Variants in GPC6 observed in about 807,000 individuals in gnomAD.
GPC6 encodes the protein glypican-6.
Under a neutral mutation model 55.2 loss-of-function variants are expected in GPC6, and 14 were observed. The observed-to-expected ratio is 0.25, with a 90% confidence interval of 0.17 to 0.40. GPC6 has a LOEUF of 0.40. Among genes scored for constraint, GPC6 ranks in the 10% least tolerant of loss-of-function variants. The pLI is 1.00. For missense variants in GPC6, 641 were observed against 708.5 expected (o/e 0.90, Z 1.08); for synonymous variants, 278 against 259.6 (o/e 1.07, Z -0.68).
chr13:93,790,234 T>C (rs1046465343), intron 2 of GPC6, among the ~76,000 whole-genome samples: 1 of 152,148 alleles, frequency 6.6e-6, no homozygotes. Context: ...AATAAAACAA[T>C]AGGTGAGTGC....
intron 1 of GPC6, among the ~76,000 whole-genome samples, chr13:93,484,066 CA>C (rs1410137318): frequency 6.6e-6 from 1 of 151,976 alleles, no homozygotes; most frequent in Non-Finnish European, 1.5e-5. Context: ...CACTTTTGTA[CA>C]AAAAAAGTAT....
At chr13:93,459,448 T>A (rs1013868745) in intron 1 of GPC6, among the ~76,000 whole-genome samples, 10 of 152,216 alleles carry the variant, frequency 6.6e-5, no homozygotes, top group Non-Finnish European at 1.2e-4. Context: ...CTGCTTATAT[T>A]TTTTTAAAAT....
intron 1 of GPC6, among the ~76,000 whole-genome samples, chr13:93,348,849 A>G (rs1438726827): frequency 6.6e-6 from 1 of 152,136 alleles, no homozygotes; most frequent in African/African-American, 2.4e-5. Flanking sequence ...TTGGTCTTTT[A>G]TTTCCTCCCT....
intron 4 of GPC6, among the ~76,000 whole-genome samples, chr13:94,276,134 C>T (rs1438200463): frequency 6.6e-6 from 1 of 152,172 alleles, no homozygotes; most frequent in Non-Finnish European, 1.5e-5. Context: ...AGGGTATTCA[C>T]TGCAGCATTA....
chr13:94,102,321 A>T (rs1885893716), intron 4 of GPC6, among the ~76,000 whole-genome samples: 1 of 152,108 alleles, frequency 6.6e-6, no homozygotes, highest in Non-Finnish European at 1.5e-5. Context: ...TTAGTTAAAC[A>T]AGTCTTGGAC....
intron 1 of GPC6, among the ~76,000 whole-genome samples, chr13:93,278,411 T>C (rs758798451): frequency 5.3e-5 from 8 of 152,214 alleles, no homozygotes; most frequent in Non-Finnish European, 8.8e-5. Context: ...TCTACGCCCA[T>C]TAAACATGGA....
chr13:94,092,288 C>T (rs1177543575), intron 4 of GPC6, among the ~76,000 whole-genome samples: 2 of 152,012 alleles, frequency 1.3e-5, no homozygotes, highest in Non-Finnish European at 2.9e-5. Flanking sequence ...CTAACATCTC[C>T]CCATTTTCCC....
intron 1 of GPC6, among the ~76,000 whole-genome samples, chr13:93,250,182 A>C (rs1225726467): frequency 6.6e-6 from 1 of 152,204 alleles, no homozygotes; most frequent in Non-Finnish European, 1.5e-5. Context: ...ACACGAATGA[A>C]CACTTCTAAA....
intron 4 of GPC6, among the ~76,000 whole-genome samples, chr13:94,239,543 A>T (rs1890988225): frequency 2.0e-5 from 3 of 152,142 alleles, no homozygotes; most frequent in Non-Finnish European, 4.4e-5. Context: ...AACTTTTTTA[A>T]AAAATTTCTC....
chr13:94,397,960 C>A (rs1880963567), intron 7 of GPC6, among the ~76,000 whole-genome samples: 1 of 152,162 alleles, frequency 6.6e-6, no homozygotes, highest in African/African-American at 2.4e-5. Flanking sequence ...GTTCTCACAA[C>A]ATCTGATGGT....
chr13:93,276,458 C>CAG (rs144297308), intron 1 of GPC6, among the ~76,000 whole-genome samples: 11,344 of 116,924 alleles, frequency 0.097, 722 homozygotes, highest in Non-Finnish European at 0.13. Context: ...CTGGCCTTTT[C>CAG]AGAGAGAGAG....
intron 1 of GPC6, among the ~76,000 whole-genome samples, chr13:93,318,028 G>A (rs1449400138): frequency 2.0e-5 from 3 of 152,164 alleles, no homozygotes; most frequent in Admixed American, 2.0e-4. Context: ...TTCAACTCAT[G>A]TTATGTGACA....
intron 3 of GPC6, among the ~76,000 whole-genome samples, chr13:93,999,359 C>A (rs1004190340): frequency 6.6e-6 from 1 of 152,154 alleles, no homozygotes; most frequent in Non-Finnish European, 1.5e-5. Context: ...AGGACATGAA[C>A]TCATCTTTTT....
At chr13:93,738,994 G>A (rs1464737362) in intron 2 of GPC6, among the ~76,000 whole-genome samples, 1 of 150,002 alleles carries the variant, frequency 6.7e-6, no homozygotes, top group Non-Finnish European at 1.5e-5. Context: ...AAATATCAAT[G>A]GTTTTCAGTA....
chr13:93,710,800 GA>G (rs1372390915), intron 2 of GPC6, among the ~76,000 whole-genome samples: 4 of 151,056 alleles, frequency 2.6e-5, no homozygotes, highest in Non-Finnish European at 5.9e-5. Flanking sequence ...CTCTAATGTT[GA>G]AAATTAAACT....
intron 2 of GPC6, among the ~76,000 whole-genome samples, chr13:93,821,789 CT>C (rs1424859046): frequency 6.6e-6 from 1 of 152,140 alleles, no homozygotes; most frequent in Non-Finnish European, 1.5e-5. Context: ...CAGGGCCCCC[CT>C]GTCTGTGAGT....
At chr13:94,304,698 A>G (rs1435181790) in intron 5 of GPC6, among the ~76,000 whole-genome samples, 1 of 152,246 alleles carries the variant, frequency 6.6e-6, no homozygotes, top group Non-Finnish European at 1.5e-5. Flanking sequence ...TAAAGCTTCT[A>G]AAAACAGCAA....
At chr13:93,223,019 C>CTTTTTTTTTTTTTTTTTT (rs3073915), upstream of GPC6, among the ~76,000 whole-genome samples, 11 of 100,780 alleles carry the variant, frequency 1.1e-4, 1 homozygote, top group African/African-American at 3.8e-4. Context: ...AGGGAAAACA[C>CTTTTTTTTTTTTTTTTTT]TTTTTTTTTT....
chr13:93,671,303 CG>C (rs1881347490), intron 2 of GPC6, among the ~76,000 whole-genome samples: 3 of 151,836 alleles, frequency 2.0e-5, no homozygotes, highest in Middle Eastern at 3.4e-3. Context: ...GAAGATCTCC[CG>C]GGACTGACTT....
Sources: gnomAD v4.1 joint callset for allele counts (sites outside exome capture counted in the v4.1 genomes callset) on GRCh38, gnomAD v4.1.1 for gene constraint, MANE v1.5 for transcripts, NCBI Gene and HGNC (gene_info 2026-07-23, HGNC 2026-07-21) for gene names.